SUGCT: variants seen among roughly 807,000 people sequenced by gnomAD.
The protein encoded by SUGCT is succinyl-CoA:glutarate CoA-transferase.
A neutral mutation model predicts 55.0 loss-of-function variants in SUGCT; 41 were observed. The observed-to-expected ratio is 0.74, with a 90% confidence interval of 0.58 to 0.97. The LOEUF is 0.97. SUGCT is among the 50% of genes least tolerant of loss of function. The pLI is 0.00. For synonymous variants in SUGCT, 187 were observed against 200.4 expected (o/e 0.93, Z 0.56); for missense variants, 568 against 547.8 (o/e 1.04, Z -0.37).
chr7:40,493,405 T>C (rs780419635), intron 11 of SUGCT, among the ~76,000 whole-genome samples: 10 of 152,236 alleles, frequency 6.6e-5, no homozygotes, highest in Non-Finnish European at 1.2e-4. Context: ...TTAGTTTCTG[T>C]CTGGTCTTGT....
chr7:40,249,532 TATA>T (rs1468104222), intron 7 of SUGCT, among the ~76,000 whole-genome samples: 1 of 150,984 alleles, frequency 6.6e-6, no homozygotes, highest in Non-Finnish European at 1.5e-5. Context: ...TTCTTACACA[TATA>T]AAATATATTT....
intron 1 of SUGCT, among the ~76,000 whole-genome samples, chr7:40,165,828 A>G (rs1177512565): frequency 6.6e-6 from 1 of 152,230 alleles, no homozygotes; most frequent in Non-Finnish European, 1.5e-5. Context: ...AATCATAACA[A>G]TTGCAGGCCA....
In SUGCT at chr7:40,151,113, A is replaced by G. The variant is rs372442550; in HGVS notation, c.100+15993A>G. On this transcript the variant is annotated intron_variant, in intron 1 of 13. Coordinates refer to ENST00000335693, the MANE Select transcript of SUGCT (RefSeq NM_001193313.2). ...AAATTAGCTAGGCGTGGTGGCGTGC[A>G]CCTGTAGTACCAGCTAATTGGGAGG... Among the ~76,000 whole-genome samples, 91 of 152,116 alleles carry G rather than the reference A, an allele frequency of 6.0e-4. 2 individuals carry two copies. The South Asian group carries it at 0.017, about 29-fold the overall frequency.
intron 8 of SUGCT, among the ~76,000 whole-genome samples, chr7:40,309,282 A>G (rs1440501560): frequency 6.7e-6 from 1 of 150,130 alleles, no homozygotes; most frequent in Non-Finnish European, 1.5e-5. Context: ...CCTGGCACAT[A>G]GTAAGTGTGA....
intron 9 of SUGCT, among the ~76,000 whole-genome samples, chr7:40,446,261 C>T (rs1284502681): frequency 6.6e-6 from 1 of 152,092 alleles, no homozygotes; most frequent in Non-Finnish European, 1.5e-5. Context: ...TATCACTGAT[C>T]CAAAATTTGG....
intron 9 of SUGCT, among the ~76,000 whole-genome samples, chr7:40,391,786 A>T (rs1033167859): frequency 2.0e-5 from 3 of 152,332 alleles, no homozygotes; most frequent in African/African-American, 4.8e-5. Flanking sequence ...ATTACTGGTC[A>T]TATACCCGAA....
At chr7:40,572,846 T>G (rs1796526043) in intron 12 of SUGCT, among the ~76,000 whole-genome samples, 1 of 152,102 alleles carries the variant, frequency 6.6e-6, no homozygotes, top group Non-Finnish European at 1.5e-5. Flanking sequence ...TCAAATGGTG[T>G]CATTGGTAGC....
intron 9 of SUGCT, among the ~76,000 whole-genome samples, chr7:40,365,149 C>G (rs955980643): frequency 2.6e-5 from 4 of 151,980 alleles, no homozygotes; most frequent in African/African-American, 9.7e-5. Flanking sequence ...TAAACAGAAC[C>G]AAAGACAAAA....
chr7:40,782,098 A>G (rs962559540), intron 13 of SUGCT, among the ~76,000 whole-genome samples: 1 of 152,108 alleles, frequency 6.6e-6, no homozygotes, highest in Non-Finnish European at 1.5e-5. Context: ...AATATTTAGA[A>G]AAATCTTTAC....
chr7:40,608,810 AAC>A (rs1482105060), intron 12 of SUGCT, among the ~76,000 whole-genome samples: 1 of 152,210 alleles, frequency 6.6e-6, no homozygotes, highest in African/African-American at 2.4e-5. Context: ...AAAGAGGGAA[AAC>A]ACATTGTTGT....
chr7:40,327,378 G>A (rs1308860584), intron 9 of SUGCT, among the ~76,000 whole-genome samples: 1 of 152,210 alleles, frequency 6.6e-6, no homozygotes, highest in Non-Finnish European at 1.5e-5. Context: ...GCCAGCTGCG[G>A]CATAATAGCT....
chr7:40,588,769 T>A (rs1020550700), intron 12 of SUGCT, among the ~76,000 whole-genome samples: 3 of 152,214 alleles, frequency 2.0e-5, no homozygotes, highest in Non-Finnish European at 2.9e-5. Flanking sequence ...ATTCTTTGAA[T>A]GAATTTCATC....
chr7:40,422,812 C>A, intron 9 of SUGCT, among the ~76,000 whole-genome samples: 1 of 149,070 alleles, frequency 6.7e-6, no homozygotes. Flanking sequence ...GAGAATTAAC[C>A]AGTTGTCCAA....
At chr7:40,867,768 G>A in the SUGCT span, among the ~76,000 whole-genome samples, 8 of 152,086 alleles carry the variant, frequency 5.3e-5, no homozygotes, top group South Asian at 2.1e-4. Context: ...CTTTCTAATC[G>A]GCACAATTAG....
At chr7:40,830,675 G>A (rs1419042140) in intron 13 of SUGCT, among the ~76,000 whole-genome samples, 2 of 152,100 alleles carry the variant, frequency 1.3e-5, no homozygotes, top group East Asian at 3.9e-4. Flanking sequence ...GCCTATAGTA[G>A]GCACTCAACA....
intron 1 of SUGCT, among the ~76,000 whole-genome samples, chr7:40,164,123 G>GA (rs34719402): frequency 0.38 from 56,579 of 147,826 alleles, 12,025 homozygotes; most frequent in Middle Eastern, 0.58. Context: ...CCTGACCCTT[G>GA]ACTTTTTTTT....
At chr7:41,005,440 C>T in the SUGCT span, among the ~76,000 whole-genome samples, 20 of 152,034 alleles carry the variant, frequency 1.3e-4, no homozygotes, top group Non-Finnish European at 2.4e-4. Context: ...TGCGGGTATT[C>T]CCCAAGGAAG....
Position 40,241,714 on chromosome 7 carries a change from G to A in SUGCT, c.576+3988G>A, listed in dbSNP as rs140265201. ...AGGCAGGCAGATCATGAGGTCAAGA[G>A]ATCGAGACCATCCTGGCCAACATGC... is the stretch of plus-strand genomic sequence containing the variant. On this transcript the variant is annotated intron_variant, in intron 7 of 13. Transcript: ENST00000335693. 3.8e-3 allele frequency among the ~76,000 whole-genome samples: 573 copies of A among 151,906 alleles called. 3 individuals carry two copies. The highest frequency in any genetic ancestry group is 0.013 in the African/African-American group (523 of 41,432).
chr7:40,384,130 T>A (rs1303996268), intron 9 of SUGCT, among the ~76,000 whole-genome samples: 3 of 152,102 alleles, frequency 2.0e-5, no homozygotes, highest in Non-Finnish European at 2.9e-5. Context: ...TGATTGTGGG[T>A]AAATACTATA....
Sources: gnomAD v4.1 joint callset for allele counts (sites outside exome capture counted in the v4.1 genomes callset) on GRCh38, gnomAD v4.1.1 for gene constraint, MANE v1.5 for transcripts, NCBI Gene and HGNC (gene_info 2026-07-23, HGNC 2026-07-21) for gene names.